Variants in GRIK2 observed in about 807,000 individuals in gnomAD.
GRIK2 encodes the protein glutamate ionotropic receptor kainate type subunit 2.
In GRIK2, 32 loss-of-function variants were observed where a neutral mutation model predicts 100.3. That is an observed-to-expected ratio of 0.32 (90% CI 0.24 to 0.43). The LOEUF (loss-of-function observed/expected upper bound fraction) is 0.43. Ranked by LOEUF, GRIK2 falls within the 20% of genes least tolerant of loss-of-function variation. The probability of loss-of-function intolerance (pLI) is 1.00; values close to 1 mark genes in which losing one functional copy is unlikely to be tolerated. For missense variants in GRIK2, 843 were observed against 1,114.9 expected, an observed-to-expected ratio of 0.76 and a Z score of 3.47; for synonymous variants, 417 against 389.4, an observed-to-expected ratio of 1.07 and a Z score of -0.83.
chr6:101,516,196 C>T (rs1774576526), intron 2 of GRIK2, among the ~76,000 whole-genome samples: 1 of 152,212 alleles, frequency 6.6e-6, no homozygotes, highest in South Asian at 2.1e-4. Context: ...CAATCCCCAT[C>T]AGAATGCCAC....
At position 101,915,040 on chromosome 6, in the gene GRIK2, A is replaced by G. The variant is rs1789010313; in HGVS notation, c.1749-9561A>G. Among the ~76,000 whole-genome samples, 3 of 151,472 alleles carry G rather than the reference A, an allele frequency of 2.0e-5. 1 individual carries two copies. The South Asian group carries it at 6.2e-4, about 31-fold the overall frequency. On this transcript the variant is annotated intron_variant, in intron 12 of 16. Coordinates refer to ENST00000369134, the MANE Select transcript of GRIK2 (RefSeq NM_021956.5). Reference sequence around the variant, plus strand: ...CCTGCTCATTAATGATTTGGAAGGTAACTGAAATTAATTATAGCTAGGAAA... The same window carrying G: ...CCTGCTCATTAATGATTTGGAAGGTGACTGAAATTAATTATAGCTAGGAAA...
At chr6:102,051,155 G>A (rs78843855) in intron 15 of GRIK2, among the ~76,000 whole-genome samples, 12,152 of 152,002 alleles carry the variant, frequency 0.08, 632 homozygotes, top group Middle Eastern at 0.18. Context: ...CCTCCTTTGA[G>A]GGCTCATTTG....
intron 16 of GRIK2, chr6:102,066,064 C>T (rs1197227343): frequency 4.9e-6 from 2 of 406,988 alleles, no homozygotes; most frequent in Non-Finnish European, 8.5e-6. Flanking sequence ...ATGGCAATGA[C>T]TCTGTAGTTA....
intron 10 of GRIK2, among the ~76,000 whole-genome samples, chr6:101,834,054 A>G (rs1007055781): frequency 6.6e-6 from 1 of 152,024 alleles, no homozygotes; most frequent in African/African-American, 2.4e-5. Flanking sequence ...TTTTATGCTT[A>G]TTGGCCTTTT....
intron 12 of GRIK2, among the ~76,000 whole-genome samples, chr6:101,895,257 G>A (rs1016458623): frequency 6.6e-6 from 1 of 151,546 alleles, no homozygotes; most frequent in Non-Finnish European, 1.5e-5. Context: ...AATTTTTTGT[G>A]CATTTCTGTA....
Position 101,924,717 on chromosome 6 carries a change from A to C in GRIK2, c.1865A>C (p.Gln622Pro), listed in dbSNP as rs1789774006. The part of the protein sequence containing the change: ...FWFGVGALMQ[Q>P]GSELMPKALS... ...TTTGGAGTTGGAGCTCTCATGCAGC[A>C]AGGTATACGATTCAGCCTGCTATTT... The change falls in exon 13 of 17, where the codon CAA (glutamine) becomes CCA (proline). Residue 622 changes from glutamine to proline, a missense_variant and splice_region_variant. Transcript: ENST00000369134. 1 of 1,553,852 alleles carries C rather than the reference A, an allele frequency of 6.4e-7. No individual in the cohort carries two copies. Among genetic ancestry groups the C allele is most frequent in the East Asian group, 2.2e-5 (1 of 44,568 alleles).
At chr6:101,745,350 C>T (rs73761405) in intron 7 of GRIK2, among the ~76,000 whole-genome samples, 2,427 of 152,146 alleles carry the variant, frequency 0.016, 71 homozygotes, top group African/African-American at 0.056. Context: ...GAATCAGTTA[C>T]ATGGGCTGGA....
chr6:101,720,608 T>C (rs1774412534), intron 7 of GRIK2, among the ~76,000 whole-genome samples: 1 of 152,014 alleles, frequency 6.6e-6, no homozygotes, highest in South Asian at 2.1e-4. Context: ...TCATACCACA[T>C]CTATTTTTAT....
chr6:101,559,785 C>A (rs943323993), intron 2 of GRIK2, among the ~76,000 whole-genome samples: 6 of 152,090 alleles, frequency 3.9e-5, no homozygotes, highest in Non-Finnish European at 8.8e-5. Context: ...CACACACCCC[C>A]ACACATCCAT....
chr6:101,773,403 C>G (rs976274662), intron 7 of GRIK2, among the ~76,000 whole-genome samples: 1 of 149,794 alleles, frequency 6.7e-6, no homozygotes, highest in Non-Finnish European at 1.5e-5. Flanking sequence ...TCGCTTGAAC[C>G]CGGGAGGAGG....
At chr6:101,970,560 T>G (rs1792980700) in intron 14 of GRIK2, among the ~76,000 whole-genome samples, 2 of 151,954 alleles carry the variant, frequency 1.3e-5, no homozygotes, top group South Asian at 4.2e-4. Context: ...GGTGGTAATT[T>G]CCAAGTCATC....
At chr6:101,544,199 T>C (rs1776132236) in intron 2 of GRIK2, among the ~76,000 whole-genome samples, 1 of 152,178 alleles carries the variant, frequency 6.6e-6, no homozygotes. Context: ...ATTCACCTTT[T>C]ATTTTTAATA....
At chr6:101,685,573 A>G (rs1346246064) in intron 6 of GRIK2, among the ~76,000 whole-genome samples, 2 of 152,198 alleles carry the variant, frequency 1.3e-5, no homozygotes, top group Non-Finnish European at 2.9e-5. Context: ...CAGACTAGAA[A>G]GGGCAACAGG....
chr6:101,917,141 T>C (rs1453531649), intron 12 of GRIK2, among the ~76,000 whole-genome samples: 1 of 151,656 alleles, frequency 6.6e-6, no homozygotes, highest in East Asian at 1.9e-4. Flanking sequence ...TCTCAGGCCA[T>C]TTATGGGTTA....
chr6:101,930,070 G>C (rs141230988), intron 14 of GRIK2, among the ~76,000 whole-genome samples: 82 of 152,182 alleles, frequency 5.4e-4, no homozygotes, highest in South Asian at 2.1e-3. Context: ...GGCCAGGCAC[G>C]TTGGCTCGTG....
chr6:101,794,774 A>G lies in GRIK2; in HGVS notation c.952-4874A>G, dbSNP rs182194203. On this transcript the variant is annotated intron_variant, in intron 7 of 16. Transcript: ENST00000369134. ...CTGAATAATTATTGTGCTCCTTTAG[A>G]GGTGTCATACTTCCTGGATTTTTTA... Among the ~76,000 whole-genome samples the G allele has an allele frequency of 1.0e-3, 153 of 151,472 alleles. 1 individual carries two copies. Among genetic ancestry groups the G allele is most frequent in the Non-Finnish European group, 4.6e-4 (31 of 67,862 alleles).
In GRIK2 at chr6:101,626,610, G is replaced by A. The variant is rs201893729; in HGVS notation, c.514G>A (p.Val172Ile). The change falls in exon 4 of 17, where the codon GTC (valine) becomes ATC (isoleucine). Residue 172 changes from valine (V) to isoleucine (I), a missense_variant. By Grantham distance (29) the Val-to-Ile change is conservative. Transcript: ENST00000369134. ...GGTGCAGTTTTTCAAGTGGAAAACC[G>A]TCACGGTTGTGTATGATGACAGCAC... ...DLVQFFKWKT[V>I]TVVYDDSTGL... The A allele has an allele frequency of 6.8e-5, 110 of 1,613,690 alleles. No homozygotes were observed. Among genetic ancestry groups the A allele is most frequent in the Non-Finnish European group, 8.0e-5 (94 of 1,179,782 alleles).
intron 11 of GRIK2, among the ~76,000 whole-genome samples, chr6:101,865,928 TA>T (rs982584264): frequency 9.5e-5 from 14 of 146,918 alleles, no homozygotes; most frequent in South Asian, 8.7e-4. Flanking sequence ...ATACAAATAA[TA>T]AAAAAAAATT....
At chr6:101,920,588 G>C (rs1469167377) in intron 12 of GRIK2, among the ~76,000 whole-genome samples, 1 of 151,914 alleles carries the variant, frequency 6.6e-6, no homozygotes, top group Non-Finnish European at 1.5e-5. Context: ...TCCATGAAGA[G>C]AGAATGAGGA....
Sources: allele counts gnomAD v4.1 joint callset (sites outside exome capture counted in the v4.1 genomes callset), GRCh38; gene constraint gnomAD v4.1.1; transcripts MANE v1.5; gene names NCBI Gene and HGNC (gene_info 2026-07-23, HGNC 2026-07-21).